The following CASD1 variants were observed in gnomAD, a reference collection of about 807,000 sequenced individuals.
CASD1 encodes CAS1 domain sialic acid O acetyltransferase 1.
CASD1 carries 41 observed loss-of-function variants against 100.0 expected under a neutral mutation model. The ratio of observed to expected loss-of-function variants is 0.41; its 90% confidence interval spans 0.32 to 0.53. The LOEUF is 0.53. Ranked by LOEUF, CASD1 falls within the 20% of genes least tolerant of loss-of-function variation. The pLI is 0.25. For missense variants in CASD1, 774 were observed against 948.7 expected (o/e 0.82, Z 2.42); for synonymous variants, 321 against 315.6 (o/e 1.02, Z -0.18).
downstream of CASD1, among the ~76,000 whole-genome samples, chr7:94,559,322 G>GTA: frequency 6.7e-6 from 1 of 149,338 alleles, no homozygotes; most frequent in East Asian, 2.0e-4. Context: ...GTGTGTGTGT[G>GTA]TGTATATATA....
chr7:94,598,609 A>G, the CASD1 span: 5 of 655,756 alleles, frequency 7.6e-6, no homozygotes, highest in Non-Finnish European at 1.4e-5. Context: ...AAGTAATTGT[A>G]TTGTATATTT....
Position 94,537,399 on chromosome 7 carries a change from A to T in CASD1, c.844-73A>T, listed in dbSNP as rs183478728. 1.8e-5 allele frequency: 25 copies of T among 1,362,448 alleles called. No individual in the cohort carries two copies. The Admixed American group carries it at 4.4e-4, about 24-fold the overall frequency. 84.4% of individuals were successfully genotyped at this position (1,362,448 alleles called of 1,614,324 possible). A position where few individuals can be genotyped will look rare whatever the true frequency, so the allele number is the denominator to read the frequency against. The stretch of plus-strand genomic sequence containing the variant: ...GTTTCAGTGCTAAAAACTCAGTAGT[A>T]TTCACAGGAGAAAATTTAATGTGAA... On this transcript the variant is annotated intron_variant, in intron 8 of 17. Coordinates refer to ENST00000297273, the MANE Select transcript of CASD1 (RefSeq NM_022900.5).
chr7:94,623,754 T>C, the CASD1 span: 1 of 393,572 alleles, frequency 2.5e-6, no homozygotes, highest in East Asian at 3.6e-5. Flanking sequence ...AAAACAATAA[T>C]TTTTGTACTT....
the CASD1 span, among the ~76,000 whole-genome samples, chr7:94,609,445 T>C: frequency 1.3e-5 from 2 of 152,170 alleles, no homozygotes; most frequent in African/African-American, 4.8e-5. Flanking sequence ...GGCATGAGAA[T>C]CACTTGAACC....
At chr7:94,558,601 T>G (rs1466364571), downstream of CASD1, among the ~76,000 whole-genome samples, 1 of 152,172 alleles carries the variant, frequency 6.6e-6, no homozygotes, top group East Asian at 1.9e-4. Context: ...CATACATTTA[T>G]GACTTAATTT....
intron 1 of CASD1, among the ~76,000 whole-genome samples, chr7:94,513,287 CAAAAAAAAAAA>C (rs766687618): frequency 1.6e-5 from 1 of 63,844 alleles, no homozygotes; most frequent in Non-Finnish European, 3.8e-5. Context: ...GATCGCATCC[CAAAAAAAAAAA>C]AAAAAAAAAT....
At position 94,554,575 on chromosome 7, in the gene CASD1, GGTT is replaced by G. The variant is rs976835997; in HGVS notation, c.2127+2_2127+4del. ...CTTGGTTTGGAAAAATTTCATTAGA[GGTT>G]GGTACATTAATATTTTGCTTATCTT... On this transcript the variant is annotated splice_donor_variant and splice_donor_region_variant and intron_variant, in intron 17 of 17. Coordinates refer to ENST00000297273, the MANE Select transcript of CASD1 (RefSeq NM_022900.5). LOFTEE classifies it high-confidence loss of function. The G allele has an allele frequency of 6.3e-7, 1 of 1,592,158 alleles. No homozygotes were observed. The highest frequency in any genetic ancestry group is 1.3e-5 in the African/African-American group (1 of 74,338).
intron 13 of CASD1, among the ~76,000 whole-genome samples, chr7:94,548,965 G>A (rs1443158594): frequency 1.3e-5 from 2 of 151,842 alleles, no homozygotes; most frequent in Non-Finnish European, 2.9e-5. Context: ...TTGTTTCAAA[G>A]GCTGGTAATG....
Position 94,545,575 on chromosome 7 carries a change from G to T in CASD1, c.1507G>T (p.Val503Leu), listed in dbSNP as rs1562947105. Residue 503 changes from valine to leucine, a missense_variant, in exon 12 of 18, where the codon GTG becomes TTG. Transcript: ENST00000297273. Reference protein sequence around the residue: ...VLFRLNFLVVVLCIVMDRPYQ... With the variant: ...VLFRLNFLVVLLCIVMDRPYQ... ...ATTTCGTCTCAATTTCCTGGTAGTG[G>T]TGTTATGTATAGTAATGGATCGACC... The T allele has an allele frequency of 6.2e-7, 1 of 1,605,778 alleles. No individual in the cohort carries two copies. Among genetic ancestry groups the T allele is most frequent in the Non-Finnish European group, 8.5e-7 (1 of 1,174,128 alleles).
the CASD1 span, chr7:94,628,072 T>C: frequency 5.8e-6 from 4 of 687,628 alleles, no homozygotes; most frequent in Non-Finnish European, 1.0e-5. Flanking sequence ...TGTGTTTCCA[T>C]GCACAAAATA....
intron 5 of CASD1, among the ~76,000 whole-genome samples, chr7:94,532,974 C>T (rs528905033): frequency 6.6e-6 from 1 of 152,074 alleles, no homozygotes; most frequent in Non-Finnish European, 1.5e-5. Flanking sequence ...ATTAACCATC[C>T]AAATTTCTGT....
At chr7:94,513,272 G>A (rs1793808031) in intron 1 of CASD1, among the ~76,000 whole-genome samples, 1 of 135,928 alleles carries the variant, frequency 7.4e-6, no homozygotes, top group South Asian at 2.3e-4. Flanking sequence ...GTTGCAGTGA[G>A]CCAAGATCGC....
intron 12 of CASD1, among the ~76,000 whole-genome samples, chr7:94,546,149 C>T (rs930945725): frequency 1.3e-4 from 20 of 151,778 alleles, no homozygotes; most frequent in Non-Finnish European, 2.7e-4. Context: ...TTGCAAAAGT[C>T]TTCTTATGTC....
At chr7:94,524,536 T>C (rs1794455364) in intron 3 of CASD1, among the ~76,000 whole-genome samples, 1 of 152,128 alleles carries the variant, frequency 6.6e-6, no homozygotes, top group Non-Finnish European at 1.5e-5. Context: ...GTCTTATAAC[T>C]GCTAGTGAGA....
chr7:94,545,160 C>G (rs1795613855), intron 11 of CASD1, among the ~76,000 whole-genome samples: 1 of 151,888 alleles, frequency 6.6e-6, no homozygotes, highest in Non-Finnish European at 1.5e-5. Context: ...TAATTTAATC[C>G]CAAATGGGGT....
At chr7:94,553,070 A>G (rs1039352703) in intron 16 of CASD1, 2 of 374,012 alleles carry the variant, frequency 5.3e-6, no homozygotes, top group Non-Finnish European at 1.0e-5. Flanking sequence ...AACTTATGCA[A>G]TACTTTAATT....
intron 1 of CASD1, among the ~76,000 whole-genome samples, chr7:94,510,681 C>T (rs1460275107): frequency 6.6e-6 from 1 of 152,244 alleles, no homozygotes; most frequent in Non-Finnish European, 1.5e-5. Context: ...AAGGGTCCGG[C>T]TCCTTAGCCT....
At chr7:94,513,445 C>T (rs1461909556) in intron 1 of CASD1, among the ~76,000 whole-genome samples, 1 of 151,930 alleles carries the variant, frequency 6.6e-6, no homozygotes, top group Non-Finnish European at 1.5e-5. Flanking sequence ...CCTTATTTTC[C>T]CCAAATTCCA....
chr7:94,588,081 C>G, the CASD1 span: 1 of 1,313,580 alleles, frequency 7.6e-7, no homozygotes, highest in Non-Finnish European at 9.7e-7. Flanking sequence ...AAGTTATCTA[C>G]TCAGTATAGA....
Sources: allele counts gnomAD v4.1 joint callset (sites outside exome capture counted in the v4.1 genomes callset), GRCh38; gene constraint gnomAD v4.1.1; transcripts MANE v1.5; gene names NCBI Gene and HGNC (gene_info 2026-07-23, HGNC 2026-07-21).